The following CFAP65 variants were observed in gnomAD, a reference collection of about 807,000 sequenced individuals.
CFAP65 encodes the protein cilia- and flagella-associated protein 65.
CFAP65 carries 155 observed loss-of-function variants against 208.0 expected under a neutral mutation model. The observed-to-expected ratio is 0.75, with a 90% confidence interval of 0.65 to 0.85. The LOEUF (loss-of-function observed/expected upper bound fraction) is 0.85. Among genes scored for constraint, CFAP65 ranks in the 40% least tolerant of loss-of-function variants. The probability of loss-of-function intolerance (pLI) is 0.00; values close to 1 mark genes in which losing one functional copy is unlikely to be tolerated. For synonymous variants in CFAP65, 970 were observed against 986.3 expected, an observed-to-expected ratio of 0.98 and a Z score of 0.31; for missense variants, 2,294 against 2,451.3, an observed-to-expected ratio of 0.94 and a Z score of 1.36.
rs1420449091 is a variant in CFAP65, at chr2:219,005,949, C to A, written c.4922+72G>T. ...CCCCTCACCATGGGTTGGGTCTGGGCAGCCCCTGCTCTGGAGTGGAAGAGG... is the reference window on the plus strand; with the variant it reads ...CCCCTCACCATGGGTTGGGTCTGGGAAGCCCCTGCTCTGGAGTGGAAGAGG... On this transcript the variant is annotated intron_variant, in intron 31 of 34. Coordinates refer to ENST00000341552, the MANE Select transcript of CFAP65 (RefSeq NM_194302.4). 2.0e-6 allele frequency: 3 copies of A among 1,479,368 alleles called. No homozygotes were observed. The African/African-American group carries it at 4.2e-5, about 21-fold the overall frequency. 91.6% of individuals were successfully genotyped at this position (1,479,368 alleles called of 1,614,324 possible).
intron 29 of CFAP65, among the ~76,000 whole-genome samples, chr2:219,008,333 C>A (rs552159036): frequency 6.6e-6 from 1 of 152,148 alleles, no homozygotes; most frequent in Non-Finnish European, 1.5e-5. Context: ...GCTGAAGGAA[C>A]TGAGATGTTA....
chr2:219,009,060 T>A lies in CFAP65; in HGVS notation c.4661A>T (p.Asp1554Val). ...AGCCCTCCTCACCTTCACTTTCATG[T>A]CGGTGATGGTGAACTCCACTTCCTG... Reference protein sequence around the residue: ...VRQEVEFTITDMKVKKRTCCT... With the variant: ...VRQEVEFTITVMKVKKRTCCT... Residue 1554 changes from aspartate (D) to valine (V), a missense_variant, in exon 29 of 35, where the codon GAC (aspartate) becomes GTC (valine). Physicochemically the swap from Asp to Val is radical, Grantham distance 152 (BLOSUM62 -3). Transcript: ENST00000341552. 6.2e-7 allele frequency: 1 copy of A among 1,611,586 alleles called. No homozygotes were observed. The highest frequency in any genetic ancestry group is 1.1e-5 in the South Asian group (1 of 91,064).
At chr2:219,021,628 G>A (rs1013400695) in intron 18 of CFAP65, 152 bp downstream of exon 18, 2 of 887,850 alleles carry the variant, frequency 2.3e-6, no homozygotes, top group Admixed American at 2.3e-5. Flanking sequence ...GCACTGCAGC[G>A]TGGAACTCCT....
chr2:219,031,925 C>CTTTT lies in CFAP65; in HGVS notation c.646-271_646-268dup, dbSNP rs5838715. Among the ~76,000 whole-genome samples, 5 of 131,372 alleles carry CTTTT rather than the reference C, an allele frequency of 3.8e-5. No homozygotes were observed. The highest frequency in any genetic ancestry group is 2.2e-4 in the East Asian group (1 of 4,634). The allele number at this position is 131,372 out of a possible 152,430, so 86.2% of individuals were successfully genotyped here. On this transcript the variant is annotated intron_variant, in intron 6 of 34. Coordinates refer to ENST00000341552, the MANE Select transcript of CFAP65 (RefSeq NM_194302.4). This position sits in a 1 kb window ranked among gnomAD's most constrained non-coding sequence, Gnocchi z 5.2. ...ATGTAGAAGGGGTTTCTTTTCTTTT[C>CTTTT]TTTTTTTTTTTTTTTTTTTGAGTCT...
At chr2:219,013,737 C>A in intron 22 of CFAP65, 131 bp downstream of exon 22, 1 of 1,156,754 alleles carries the variant, frequency 8.6e-7, no homozygotes, top group Non-Finnish European at 1.3e-6. Context: ...GAAATTAGAC[C>A]TCCTCTGCAG....
intron 13 of CFAP65, 21 bp from the exon 14 acceptor site, chr2:219,026,180 C>A: frequency 6.3e-7 from 1 of 1,598,784 alleles, no homozygotes; most frequent in Non-Finnish European, 8.6e-7. Flanking sequence ...GCCAGACCCA[C>A]GGAAAAGCTC....
At chr2:219,024,285 G>T in intron 14 of CFAP65, 25 bp from the exon 15 acceptor site, 4 of 1,597,212 alleles carry the variant, frequency 2.5e-6, no homozygotes, top group Non-Finnish European at 3.4e-6. Context: ...GGAGGAAAGC[G>T]GCCCCCCGCT....
At position 219,028,218 on chromosome 2, in the gene CFAP65, G is replaced by A. The variant is rs1947780186; in HGVS notation, c.1834C>T (p.Leu612Phe). Residue 612 changes from leucine (L) to phenylalanine (F), a missense_variant, in exon 12 of 35, where the codon CTC (leucine) becomes TTC (phenylalanine). Leu to Phe is a conservative substitution (Grantham distance 22, BLOSUM62 0). Transcript: ENST00000341552. ...KKLAQDQNGA[L>F]MIPIQDLEDM... ...CACTGTACCTGGATGGGAATCATGA[G>A]AGCCCCGTTCTGGTCCTGTGCCAGC... The A allele has an allele frequency of 6.2e-7, 1 of 1,613,924 alleles. No individual in the cohort carries two copies.
At position 219,019,210 on chromosome 2, in the gene CFAP65, T is replaced by G. The variant is rs751529035; in HGVS notation, c.3474-31A>C. ...AGGAACAGAGAAAGGGGTTCAGAGA[T>G]GGGGATGGGGCCAGGGCAGGGCCCT... On this transcript the variant is annotated intron_variant, in intron 20 of 34. Coordinates refer to ENST00000341552, the MANE Select transcript of CFAP65 (RefSeq NM_194302.4). 21 of 1,591,180 alleles carry G rather than the reference T, an allele frequency of 1.3e-5. No homozygotes were observed. In the African/African-American group the frequency reaches 2.7e-4, roughly 20 times the overall value.
At chr2:219,036,556 C>CCT (rs1450946201) in intron 4 of CFAP65, among the ~76,000 whole-genome samples, 2,492 of 151,890 alleles carry the variant, frequency 0.016, 82 homozygotes, top group African/African-American at 0.057. Context: ...GTGATTTTCT[C>CCT]GCCTTAGCTT....
chr2:219,011,680 C>T (rs1208213261), intron 24 of CFAP65, among the ~76,000 whole-genome samples: 2 of 152,186 alleles, frequency 1.3e-5, no homozygotes, highest in Non-Finnish European at 2.9e-5. Context: ...CTAGAAGAAA[C>T]CAGAGATCTT....
At chr2:219,033,386 G>T (rs1948169036) in intron 5 of CFAP65, among the ~76,000 whole-genome samples, 1 of 152,110 alleles carries the variant, frequency 6.6e-6, no homozygotes, top group Non-Finnish European at 1.5e-5. Context: ...TGAGGAAGGA[G>T]GATTGCTTGA....
At chr2:219,017,023 C>T (rs948744222) in intron 21 of CFAP65, among the ~76,000 whole-genome samples, 4 of 152,216 alleles carry the variant, frequency 2.6e-5, no homozygotes, top group African/African-American at 2.4e-5. Flanking sequence ...TAGCTTTCTC[C>T]AGGAAGCCCT....
chr2:219,019,784 A>T, intron 19 of CFAP65, 65 bp from the exon 20 acceptor site: 1 of 1,398,584 alleles, frequency 7.2e-7, no homozygotes, highest in Non-Finnish European at 1.0e-6. Context: ...GGGGGCATGC[A>T]GGCCAAAGGT....
chr2:219,009,022 T>C (rs1212074165), intron 29 of CFAP65, 25 bp downstream of exon 29: 1 of 1,572,636 alleles, frequency 6.4e-7, no homozygotes, highest in Admixed American at 1.7e-5. Context: ...ATCTGGGTGT[T>C]TGAGATCTAC....
In CFAP65 at chr2:219,013,386, C is replaced by T; in HGVS notation, c.3847-17G>A. 1 of 1,594,986 alleles carries T rather than the reference C, an allele frequency of 6.3e-7. No homozygotes were observed. Among genetic ancestry groups the T allele is most frequent in the Middle Eastern group, 1.7e-4 (1 of 6,032 alleles). ...GAAATTTAGCTGGAAATAAAAGTTC[C>T]CCCGGAGGAACTGACACAGCCAGTG... On this transcript the variant is annotated splice_polypyrimidine_tract_variant and intron_variant, in intron 23 of 34. Coordinates refer to ENST00000341552, the MANE Select transcript of CFAP65 (RefSeq NM_194302.4).
Position 219,003,794 on chromosome 2 carries a change from C to T in CFAP65, c.5555+158G>A, listed in dbSNP as rs1945747241. On this transcript the variant is annotated intron_variant, in intron 33 of 34. Coordinates refer to ENST00000341552, the MANE Select transcript of CFAP65 (RefSeq NM_194302.4). The surrounding 1 kb of genome is among the most constrained non-coding windows in gnomAD (Gnocchi z 4.4). ...GTTCAGTGTTGGTGCCGGGCGGATA[C>T]TCCCACAGAGGCCTTAAGCTACCAA... Among the ~76,000 whole-genome samples the T allele has an allele frequency of 6.6e-6, 1 of 152,218 alleles. No individual in the cohort carries two copies. Among genetic ancestry groups the T allele is most frequent in the Non-Finnish European group, 1.5e-5 (1 of 68,046 alleles).
At chr2:219,041,190 A>G (rs765353859) in intron 1 of CFAP65, among the ~76,000 whole-genome samples, 2 of 152,220 alleles carry the variant, frequency 1.3e-5, no homozygotes, top group African/African-American at 2.4e-5. Context: ...TGATCTAAAA[A>G]TCTCCAAGAT....
At chr2:219,019,200 G>T in intron 20 of CFAP65, 21 bp from the exon 21 acceptor site, 1 of 1,599,822 alleles carries the variant, frequency 6.3e-7, no homozygotes, top group Non-Finnish European at 8.5e-7. Context: ...CAGAGAAAGG[G>T]GTTCAGAGAT....
Sources: gnomAD v4.1 joint callset for allele counts (sites outside exome capture counted in the v4.1 genomes callset) on GRCh38, gnomAD v4.1.1 for gene constraint, Gnocchi (gnomAD v3.1) non-coding constraint, MANE v1.5 for transcripts, NCBI Gene and HGNC (gene_info 2026-07-23, HGNC 2026-07-21) for gene names.